GLP1R: variants seen among roughly 807,000 people sequenced by gnomAD.
The protein encoded by GLP1R is glucagon-like peptide 1 receptor.
GLP1R carries 32 observed loss-of-function variants against 68.4 expected under a neutral mutation model. The observed-to-expected ratio is 0.47, with a 90% CI of 0.35 to 0.63. The LOEUF is 0.63. Ranked by LOEUF, GLP1R falls within the 20% of genes least tolerant of loss-of-function variation. GLP1R has a pLI of 0.00. For missense variants in GLP1R, 502 were observed against 594.9 expected (o/e 0.84, Z 1.62); for synonymous variants, 263 against 244.4 (o/e 1.08, Z -0.71).
intron 1 of GLP1R, among the ~76,000 whole-genome samples, chr6:39,053,200 G>C (rs2150819305): frequency 6.6e-6 from 1 of 152,266 alleles, no homozygotes; most frequent in South Asian, 2.1e-4. Context: ...CATCTGGATT[G>C]CATCCTTCCC....
At chr6:39,075,653 C>T (rs182660716) in intron 7 of GLP1R, among the ~76,000 whole-genome samples, 54 of 152,266 alleles carry the variant, frequency 3.5e-4, no homozygotes, top group African/African-American at 1.3e-3. Flanking sequence ...GTGGGGGAGA[C>T]GGAGAGAGAT....
rs77015865 is a variant in GLP1R, at chr6:39,076,464, C to T, written c.824-1858C>T. Reference sequence around the variant, plus strand: ...AGAGAGCTGATGAAGAATGCTGGTCCGCTGGGGGCTCCTTTGCCTCCTCCA... The same window carrying T: ...AGAGAGCTGATGAAGAATGCTGGTCTGCTGGGGGCTCCTTTGCCTCCTCCA... On this transcript the variant is annotated intron_variant, in intron 7 of 12. Coordinates refer to ENST00000373256, the MANE Select transcript of GLP1R (RefSeq NM_002062.5). Among the ~76,000 whole-genome samples the T allele has an allele frequency of 2.9e-3, 449 of 152,242 alleles. 5 individuals are homozygous for T. The highest frequency in any genetic ancestry group is 0.01 in the African/African-American group (422 of 41,522).
rs1204000634 is a variant in GLP1R, at chr6:39,056,445, C to T, written c.127C>T (p.Arg43Ter). 4.3e-6 allele frequency: 7 copies of T among 1,610,530 alleles called. No homozygotes were observed. The highest frequency in any genetic ancestry group is 5.9e-6 in the Non-Finnish European group (7 of 1,176,778). ...GACGGTGCAGAAATGGCGAGAATACCGACGCCAGTGCCAGCGCTCCCTGAC... is the reference window on the plus strand; with the variant it reads ...GACGGTGCAGAAATGGCGAGAATACTGACGCCAGTGCCAGCGCTCCCTGAC... ...WETVQKWREY[R>*]RQCQRSLTED... The change falls in exon 2 of 13, where the codon CGA (arginine) becomes TGA (stop). Residue 43 changes from arginine to a stop codon, truncating the protein, a stop_gained. Transcript: ENST00000373256. LOFTEE classifies it high-confidence loss of function.
chr6:39,088,325 A>G lies in GLP1R; in HGVS notation c.*2252A>G, dbSNP rs780340578. The stretch of plus-strand genomic sequence containing the variant: ...CCCCGAAGCTATTAATAGTCATTCA[A>G]ATGGCACTGCACTCTTTCCAAGCTT... On this transcript the variant is annotated 3_prime_UTR_variant, in exon 13 of 13. Transcript: ENST00000373256. Among the ~76,000 whole-genome samples, 1 of 151,762 alleles carries G rather than the reference A, an allele frequency of 6.6e-6. No individual in the cohort carries two copies. Among genetic ancestry groups the G allele is most frequent in the Admixed American group, 6.6e-5 (1 of 15,242 alleles).
chr6:39,078,285 C>G, intron 7 of GLP1R, 37 bp from the exon 8 acceptor site: 2 of 1,519,810 alleles, frequency 1.3e-6, no homozygotes, highest in Non-Finnish European at 1.8e-6. Flanking sequence ...TCTGGCCTGC[C>G]AGCCCCTCTC....
intron 12 of GLP1R, among the ~76,000 whole-genome samples, chr6:39,084,456 C>A (rs186758236): frequency 6.6e-6 from 1 of 152,240 alleles, no homozygotes; most frequent in Non-Finnish European, 1.5e-5. Context: ...CTCTGGTTTC[C>A]CGGAGGTGTG....
chr6:39,071,155 G>A (rs1459504603), intron 5 of GLP1R, among the ~76,000 whole-genome samples: 1 of 151,866 alleles, frequency 6.6e-6, no homozygotes, highest in East Asian at 1.9e-4. Flanking sequence ...GACCATCCTG[G>A]CTAACACAGT....
intron 5 of GLP1R, among the ~76,000 whole-genome samples, chr6:39,067,142 G>A (rs1160731586): frequency 6.6e-6 from 1 of 152,072 alleles, no homozygotes; most frequent in East Asian, 1.9e-4. Flanking sequence ...CCCTCTCCCT[G>A]CCCTACACCC....
intron 3 of GLP1R, among the ~76,000 whole-genome samples, chr6:39,062,156 G>A (rs1221237054): frequency 1.3e-5 from 2 of 152,244 alleles, no homozygotes; most frequent in Non-Finnish European, 2.9e-5. Flanking sequence ...CAGCTTCCGG[G>A]AGGGGAAGTG....
At chr6:39,074,658 GCCCCTGCCACGGA>G (rs1768767000) in intron 7 of GLP1R, among the ~76,000 whole-genome samples, 3 of 152,018 alleles carry the variant, frequency 2.0e-5, no homozygotes, top group Admixed American at 2.0e-4. Flanking sequence ...GACCACGGCT[GCCCCTGCCACGGA>G]CCTCCGGGGA....
In GLP1R at chr6:39,048,916, C is replaced by A. The variant is rs773657617; in HGVS notation, c.76C>A (p.Gln26Lys). The change falls in exon 1 of 13, where the codon CAG becomes AAG. Residue 26 changes from glutamine to lysine, a missense_variant and splice_region_variant. Coordinates refer to ENST00000373256, the MANE Select transcript of GLP1R (RefSeq NM_002062.5). Reference protein sequence around the residue: ...GMVGRAGPRPQGATVSLWETV... With the variant: ...GMVGRAGPRPKGATVSLWETV... ...GGTGGGCAGGGCCGGCCCCCGCCCC[C>A]AGGTGAGATCCAGGGACCCCGACGA... 3 of 1,369,598 alleles carry A rather than the reference C, an allele frequency of 2.2e-6. No individual in the cohort carries two copies. The highest frequency in any genetic ancestry group is 9.6e-7 in the Non-Finnish European group (1 of 1,044,752). 84.8% of individuals were successfully genotyped at this position (1,369,598 alleles called of 1,614,324 possible).
chr6:39,078,206 A>G, intron 7 of GLP1R, 116 bp from the exon 8 acceptor site: 1 of 766,634 alleles, frequency 1.3e-6, no homozygotes, highest in Non-Finnish European at 2.3e-6. Context: ...GTTGGAGGCC[A>G]GGCAAGGAGA....
Position 39,086,112 on chromosome 6 carries a change from G to C in GLP1R, c.*39G>C. The C allele has an allele frequency of 1.3e-6, 2 of 1,593,842 alleles. No homozygotes were observed. The highest frequency in any genetic ancestry group is 1.7e-6 in the Non-Finnish European group (2 of 1,165,976). On this transcript the variant is annotated 3_prime_UTR_variant, in exon 13 of 13. Transcript: ENST00000373256. The surrounding 1 kb of genome is among the most constrained non-coding windows in gnomAD (Gnocchi z 4.5). The stretch of plus-strand genomic sequence containing the variant: ...GCCCTCCCTGGGGTCCTTGCTGCAG[G>C]CCGGGTGGCCAATCCAGGTGGGAGA...
intron 3 of GLP1R, among the ~76,000 whole-genome samples, chr6:39,063,890 C>A (rs1768420006): frequency 6.7e-6 from 1 of 149,486 alleles, no homozygotes; most frequent in African/African-American, 2.5e-5. Flanking sequence ...CCACAGTCCC[C>A]ATCGTGTACA....
chr6:39,057,845 T>C (rs1768256516), intron 3 of GLP1R, among the ~76,000 whole-genome samples: 1 of 150,932 alleles, frequency 6.6e-6, no homozygotes, highest in African/African-American at 2.4e-5. Flanking sequence ...TCAGCAGTGG[T>C]GAGCCCCCTC....
intron 2 of GLP1R, among the ~76,000 whole-genome samples, chr6:39,057,050 G>A (rs189990989): frequency 3.3e-3 from 497 of 152,328 alleles, no homozygotes; most frequent in Non-Finnish European, 5.4e-3. Flanking sequence ...ATTATAACAC[G>A]TGACCTAAAG....
intron 7 of GLP1R, among the ~76,000 whole-genome samples, chr6:39,074,964 T>C (rs1348776749): frequency 6.7e-6 from 1 of 149,768 alleles, no homozygotes; most frequent in African/African-American, 2.5e-5. Flanking sequence ...AGGAGAAGAG[T>C]AGCCTGAGAG....
chr6:39,072,665 C>T (rs1032939447), intron 5 of GLP1R, among the ~76,000 whole-genome samples, 197 bp from the exon 6 acceptor site: 3 of 152,170 alleles, frequency 2.0e-5, no homozygotes, highest in Non-Finnish European at 4.4e-5. Context: ...TAGCGGAAGC[C>T]TTCATGGAGA....
Position 39,048,925 on chromosome 6 carries a change from T to C in GLP1R, c.78+7T>C. 7.6e-7 allele frequency: 1 copy of C among 1,307,952 alleles called. No individual in the cohort carries two copies. Among genetic ancestry groups the C allele is most frequent in the Non-Finnish European group, 1.0e-6 (1 of 992,396 alleles). 81.0% of individuals were successfully genotyped at this position (1,307,952 alleles called of 1,614,324 possible). On this transcript the variant is annotated splice_region_variant and intron_variant, in intron 1 of 12. Coordinates refer to ENST00000373256, the MANE Select transcript of GLP1R (RefSeq NM_002062.5). ...GGCCGGCCCCCGCCCCCAGGTGAGATCCAGGGACCCCGACGACACCGGGGG... is the reference window on the plus strand; with the variant it reads ...GGCCGGCCCCCGCCCCCAGGTGAGACCCAGGGACCCCGACGACACCGGGGG...
Sources: allele counts gnomAD v4.1 joint callset (sites outside exome capture counted in the v4.1 genomes callset), GRCh38; gene constraint gnomAD v4.1.1; non-coding constraint Gnocchi (gnomAD v3.1); transcripts MANE v1.5; gene names NCBI Gene and HGNC (gene_info 2026-07-23, HGNC 2026-07-21).